TRAPPC10: variants seen among roughly 807,000 people sequenced by gnomAD.
The protein encoded by TRAPPC10 is TRAPP 130 kDa subunit.
TRAPPC10 carries 23 observed loss-of-function variants against 125.5 expected under a neutral mutation model. The observed-to-expected ratio is 0.18, with a 90% CI of 0.13 to 0.26. The LOEUF is 0.26. Among genes scored for constraint, TRAPPC10 ranks in the 10% least tolerant of loss-of-function variants. TRAPPC10 has a pLI of 1.00. For synonymous variants in TRAPPC10, 509 were observed against 518.0 expected (o/e 0.98, Z 0.24); for missense variants, 1,123 against 1,308.4 (o/e 0.86, Z 2.19).
At chr21:44,032,197 G>A (rs1051119568) in intron 2 of TRAPPC10, 25 bp downstream of exon 2, 6 of 1,575,908 alleles carry the variant, frequency 3.8e-6, no homozygotes, top group South Asian at 3.4e-5. Flanking sequence ...TTTTTTGGCT[G>A]TATCCCTCTC....
chr21:44,026,874 G>A (rs755766664), intron 1 of TRAPPC10, among the ~76,000 whole-genome samples: 3 of 152,058 alleles, frequency 2.0e-5, no homozygotes, highest in Non-Finnish European at 4.4e-5. Context: ...GTCTTCTCTC[G>A]TAGGCCACAG....
At position 44,070,793 on chromosome 21, in the gene TRAPPC10, G is replaced by A. The variant is rs1031730221; in HGVS notation, c.1039-3531G>A. Among the ~76,000 whole-genome samples the A allele has an allele frequency of 2.6e-5, 4 of 152,152 alleles. 1 individual carries two copies. The highest frequency in any genetic ancestry group is 6.3e-3 in the Middle Eastern group (2 of 316). On this transcript the variant is annotated intron_variant, in intron 7 of 22. Coordinates refer to ENST00000291574, the MANE Select transcript of TRAPPC10 (RefSeq NM_003274.5). The stretch of plus-strand genomic sequence containing the variant: ...CTGGCACTCTCTGTCCCCTTCCCCC[G>A]AGCTCTTGCGTCTCTGCTGCAGGGA...
In TRAPPC10 at chr21:44,082,969, A is replaced by G. The variant is rs755729951; in HGVS notation, c.1905A>G (p.Lys635=). Residue 635 remains lysine (K), a synonymous_variant, in exon 14 of 23, where the codon AAA becomes AAG. Transcript: ENST00000291574. This position sits in a 1 kb window ranked among gnomAD's most constrained non-coding sequence, Gnocchi z 4.4. ...TCAATGTCCACTTCAGCATTGAGAA[A>G]AACAGCTACCGGAAGACTGCGGAGT... The part of the protein sequence containing the change: ...IVVNVHFSIE[K]NSYRKTAEWL... 1 of 1,614,050 alleles carries G rather than the reference A, an allele frequency of 6.2e-7. No individual in the cohort carries two copies. Among genetic ancestry groups the G allele is most frequent in the African/African-American group, 1.3e-5 (1 of 74,990 alleles).
At chr21:44,024,617 GTTAC>G (rs1175335755) in intron 1 of TRAPPC10, among the ~76,000 whole-genome samples, 1 of 152,112 alleles carries the variant, frequency 6.6e-6, no homozygotes, top group African/African-American at 2.4e-5. Flanking sequence ...TAGTTTTAAA[GTTAC>G]TTGTCATAGC....
chr21:44,068,834 G>A (rs912960816), intron 7 of TRAPPC10, among the ~76,000 whole-genome samples: 2 of 151,942 alleles, frequency 1.3e-5, no homozygotes, highest in African/African-American at 2.4e-5. Context: ...ACTCCTGAGC[G>A]CAAGTGATCT....
chr21:44,077,731 T>C lies in TRAPPC10; in HGVS notation c.1416T>C (p.Ile472=), dbSNP rs762302364. ...SHATIEMYTS[I]GRIRSAKFVG... ...CCACCATTGAAATGTATACAAGCAT[T>C]GGGAGGATTCGATCTGCTAAGTTTG... The change falls in exon 11 of 23, where the codon ATT becomes ATC. Residue 472 remains isoleucine (I), a synonymous_variant. Transcript: ENST00000291574. 1.9e-6 allele frequency: 3 copies of C among 1,610,948 alleles called. No individual in the cohort carries two copies. Among genetic ancestry groups the C allele is most frequent in the African/African-American group, 2.7e-5 (2 of 74,912 alleles).
chr21:44,079,341 CCA>C (rs2037510200), intron 11 of TRAPPC10: 4 of 506,210 alleles, frequency 7.9e-6, no homozygotes, highest in African/African-American at 2.0e-5. Flanking sequence ...GCTCTTATCA[CCA>C]CACGCTCATT....
Position 44,032,136 on chromosome 21 carries a change from C to T in TRAPPC10, c.113C>T (p.Ser38Phe). The change falls in exon 2 of 23, where the codon TCT becomes TTT. Residue 38 changes from serine to phenylalanine, a missense_variant. Around this residue, in one of 4 missense-constraint regions of TRAPPC10, gnomAD observed 177 missense variants for 228.9 expected, o/e 0.77. Transcript: ENST00000291574. Reference protein sequence around the residue: ...NLFTSVYPTLSQQLPREPMEW... With the variant: ...NLFTSVYPTLFQQLPREPMEW... Reference sequence around the variant, plus strand: ...TTTACCTCTGTTTATCCAACGCTCTCTCAGCAGCTTCCAAGAGAACCAATG... The same window carrying T: ...TTTACCTCTGTTTATCCAACGCTCTTTCAGCAGCTTCCAAGAGAACCAATG... 6.2e-7 allele frequency: 1 copy of T among 1,614,028 alleles called. No individual in the cohort carries two copies. Among genetic ancestry groups the T allele is most frequent in the South Asian group, 1.1e-5 (1 of 91,064 alleles).
chr21:44,028,843 C>G (rs1390274269), intron 1 of TRAPPC10, among the ~76,000 whole-genome samples: 6 of 152,284 alleles, frequency 3.9e-5, no homozygotes, highest in Middle Eastern at 3.4e-3. Flanking sequence ...AGGAACCACC[C>G]TATTAACAAG....
At chr21:44,054,721 A>C (rs1295275699) in intron 4 of TRAPPC10, among the ~76,000 whole-genome samples, 4 of 152,214 alleles carry the variant, frequency 2.6e-5, no homozygotes, top group Non-Finnish European at 1.5e-5. Flanking sequence ...CTATATGTTA[A>C]GCCATGTTCT....
chr21:44,047,736 T>A (rs2034956958), intron 3 of TRAPPC10, among the ~76,000 whole-genome samples: 1 of 152,236 alleles, frequency 6.6e-6, no homozygotes, highest in Admixed American at 6.5e-5. Flanking sequence ...CTTAGCATAT[T>A]TTCATTTTAG....
intron 7 of TRAPPC10, among the ~76,000 whole-genome samples, chr21:44,070,571 A>G (rs979245532): frequency 6.6e-6 from 1 of 152,218 alleles, no homozygotes; most frequent in Non-Finnish European, 1.5e-5. Flanking sequence ...CCATAGAGGC[A>G]TGGCCTTCGT....
At chr21:44,079,107 G>GT (rs1241475586) in intron 11 of TRAPPC10, among the ~76,000 whole-genome samples, 2 of 152,124 alleles carry the variant, frequency 1.3e-5, no homozygotes. Context: ...CTGCTTCTGT[G>GT]TTTCTGTGCC....
intron 1 of TRAPPC10, among the ~76,000 whole-genome samples, chr21:44,020,125 CTT>C (rs113935496): frequency 4.3e-5 from 6 of 139,556 alleles, no homozygotes; most frequent in Admixed American, 7.2e-5. Flanking sequence ...CTTTTCTTTT[CTT>C]TTTTTTTTTT....
At chr21:44,037,610 C>T (rs540977136) in intron 2 of TRAPPC10, among the ~76,000 whole-genome samples, 182 bp from the exon 3 acceptor site, 28 of 152,274 alleles carry the variant, frequency 1.8e-4, no homozygotes, top group African/African-American at 6.7e-4. Context: ...GACCTGTACA[C>T]GTGAACTGTG....
At chr21:44,019,089 C>A (rs1392044048) in intron 1 of TRAPPC10, among the ~76,000 whole-genome samples, 1 of 152,030 alleles carries the variant, frequency 6.6e-6, no homozygotes, top group Non-Finnish European at 1.5e-5. Flanking sequence ...CATGGTCTCA[C>A]TGTGTCGCCC....
At chr21:44,016,177 G>A (rs919312695) in intron 1 of TRAPPC10, among the ~76,000 whole-genome samples, 3 of 152,176 alleles carry the variant, frequency 2.0e-5, no homozygotes, top group African/African-American at 4.8e-5. Context: ...AATGCCTGGC[G>A]TAACTGAAAC....
At chr21:44,079,839 A>C in intron 12 of TRAPPC10, 135 bp downstream of exon 12, 1 of 1,079,280 alleles carries the variant, frequency 9.3e-7, no homozygotes. Context: ...ATTGTATAGA[A>C]AATGAATGAA....
At chr21:44,091,751 T>G in intron 18 of TRAPPC10, 172 bp from the exon 19 acceptor site, 1 of 640,630 alleles carries the variant, frequency 1.6e-6, no homozygotes, top group Non-Finnish European at 2.5e-6. Flanking sequence ...AAGGTTTATT[T>G]TCTGGCACTT....
Sources: allele counts gnomAD v4.1 joint callset (sites outside exome capture counted in the v4.1 genomes callset), GRCh38; gene constraint gnomAD v4.1.1; regional missense constraint gnomAD v4.1.1; non-coding constraint Gnocchi (gnomAD v3.1); transcripts MANE v1.5; gene names NCBI Gene and HGNC (gene_info 2026-07-23, HGNC 2026-07-21).